FBXL15: variants seen among roughly 807,000 people sequenced by gnomAD.
FBXL15 encodes F-box and leucine rich repeat protein 15.
Under a neutral mutation model 23.6 loss-of-function variants are expected in FBXL15, and 19 were observed. That is an observed-to-expected ratio of 0.81 (90% CI 0.56 to 1.18). The LOEUF is 1.18. Among genes scored for constraint, FBXL15 ranks in the 50% most tolerant of loss-of-function variants. The pLI is 0.00. For missense variants in FBXL15, 385 were observed against 425.4 expected (o/e 0.91, Z 0.83); for synonymous variants, 224 against 207.7 (o/e 1.08, Z -0.67).
Position 102,420,847 on chromosome 10 carries a change from G to A in FBXL15, c.-283G>A. On this transcript the variant is annotated 5_prime_UTR_variant, in exon 1 of 4. Transcript: ENST00000369956. The stretch of plus-strand genomic sequence containing the variant: ...CCCACCACCACTTCGCTCAGAGGCG[G>A]CTACTGGCTCAAGAGGACGACAGAA... 7.6e-7 allele frequency: 1 copy of A among 1,321,560 alleles called. No individual in the cohort carries two copies. The highest frequency in any genetic ancestry group is 9.7e-7 in the Non-Finnish European group (1 of 1,031,900). The allele number at this position is 1,321,560 out of a possible 1,614,324, so 81.9% of individuals were successfully genotyped here.
In FBXL15 at chr10:102,422,282, G is replaced by A. The variant is rs1198259051; in HGVS notation, c.703G>A (p.Asp235Asn). Residue 235 changes from aspartate to asparagine, a missense_variant, in exon 3 of 4, where the codon GAC becomes AAC. Physicochemically the swap from Asp to Asn is conservative, Grantham distance 23. Coordinates refer to ENST00000369956, the MANE Select transcript of FBXL15 (RefSeq NM_024326.4). Reference sequence around the variant, plus strand: ...CACCGGCTGCCTCCGCGTCGGAAGCGACGGTGTCAGGTGCCTGGGCCTGAT... The same window carrying A: ...CACCGGCTGCCTCCGCGTCGGAAGCAACGGTGTCAGGTGCCTGGGCCTGAT... ...DLTGCLRVGS[D>N]GVRTLAEYCP... The A allele has an allele frequency of 1.3e-6, 2 of 1,497,206 alleles. No individual in the cohort carries two copies. Among genetic ancestry groups the A allele is most frequent in the Non-Finnish European group, 1.8e-6 (2 of 1,123,976 alleles). The allele number at this position is 1,497,206 out of a possible 1,614,324, so 92.7% of individuals were successfully genotyped here.
At position 102,421,408 on chromosome 10, in the gene FBXL15, C is replaced by T. The variant is rs1315103967; in HGVS notation, c.108C>T (p.Val36=). 2 of 1,569,238 alleles carry T rather than the reference C, an allele frequency of 1.3e-6. No homozygotes were observed. The highest frequency in any genetic ancestry group is 1.7e-6 in the Non-Finnish European group (2 of 1,158,616). ...TGCTCCCACACGTCCTGAACCGGGTCCCGCTGCGCCAGCTGCTCCGGCTGC... is the reference window on the plus strand; with the variant it reads ...TGCTCCCACACGTCCTGAACCGGGTTCCGCTGCGCCAGCTGCTCCGGCTGC... ...DVLLPHVLNR[V]PLRQLLRLQR... Residue 36 remains valine (V), a synonymous_variant, in exon 2 of 4, where the codon GTC becomes GTT. Coordinates refer to ENST00000369956, the MANE Select transcript of FBXL15 (RefSeq NM_024326.4).
rs528124042 is a variant in FBXL15 at position 102,422,209 on chromosome 10, G to A, written c.630G>A (p.Ala210=). ...TCAACGCCAACGTGGGGGACGCCGCGGTTCAAGAGTTGGCTCGGAACTGCC... is the reference window on the plus strand; with the variant it reads ...TCAACGCCAACGTGGGGGACGCCGCAGTTCAAGAGTTGGCTCGGAACTGCC... ...LAVNANVGDA[A]VQELARNCPE... Residue 210 remains alanine, a synonymous_variant, in exon 3 of 4, where the codon GCG becomes GCA. Transcript: ENST00000369956. 8 of 1,531,234 alleles carry A rather than the reference G, an allele frequency of 5.2e-6. No individual in the cohort carries two copies. In the African/African-American group the frequency reaches 8.3e-5, roughly 16 times the overall value. 94.9% of individuals were successfully genotyped at this position (1,531,234 alleles called of 1,614,324 possible). A position where few individuals can be genotyped will look rare whatever the true frequency, so the allele number is the denominator to read the frequency against.
At position 102,422,844 on chromosome 10, in the gene FBXL15, G is replaced by T; in HGVS notation, c.754G>T (p.Val252Leu). ...EYCPVLRSLR[V>L]RHCHHVAESS... The stretch of plus-strand genomic sequence containing the variant: ...CTGCCCCGTGCTGCGTTCGCTGCGG[G>T]TGCGGCACTGCCACCATGTGGCGGA... Residue 252 changes from valine (V) to leucine (L), a missense_variant, in exon 4 of 4, where the codon GTG becomes TTG. Physicochemically the swap from Val to Leu is conservative, Grantham distance 32. Around this residue, in one of 2 missense-constraint regions of FBXL15, gnomAD observed 255 missense variants for 330.2 expected, o/e 0.77. Transcript: ENST00000369956. 6.2e-7 allele frequency: 1 copy of T among 1,609,928 alleles called. No individual in the cohort carries two copies. The highest frequency in any genetic ancestry group is 1.3e-5 in the African/African-American group (1 of 75,012).
chr10:102,421,700 C>T (rs925805139), intron 2 of FBXL15, 87 bp from the exon 3 acceptor site: 4 of 1,471,752 alleles, frequency 2.7e-6, no homozygotes, highest in African/African-American at 2.8e-5. Flanking sequence ...GAGCAGGAGG[C>T]TGCCAGAAAA....
chr10:102,422,216 G>T lies in FBXL15; in HGVS notation c.637G>T (p.Glu213Ter). 1 of 1,530,312 alleles carries T rather than the reference G, an allele frequency of 6.5e-7. No homozygotes were observed. The highest frequency in any genetic ancestry group is 2.1e-5 in the Admixed American group (1 of 48,754). The allele number at this position is 1,530,312 out of a possible 1,614,324, so 94.8% of individuals were successfully genotyped here. Residue 213 changes from glutamate to a stop codon, truncating the protein, a stop_gained, in exon 3 of 4, where the codon GAG becomes TAG. Transcript: ENST00000369956. LOFTEE classifies it high-confidence loss of function. ...NANVGDAAVQ[E>*]LARNCPELHH... The stretch of plus-strand genomic sequence containing the variant: ...CAACGTGGGGGACGCCGCGGTTCAA[G>T]AGTTGGCTCGGAACTGCCCAGAACT...
rs186042998 is a variant in FBXL15 at position 102,422,788 on chromosome 10, C to T, written c.714-16C>T. 1.2e-5 allele frequency: 19 copies of T among 1,596,834 alleles called. No individual in the cohort carries two copies. The highest frequency in any genetic ancestry group is 2.2e-4 in the Middle Eastern group (1 of 4,480). On this transcript the variant is annotated splice_polypyrimidine_tract_variant and intron_variant, in intron 3 of 3. Transcript: ENST00000369956. The stretch of plus-strand genomic sequence containing the variant: ...GGTGGCCTCATGTCCCTAGCCTCAC[C>T]CTGCTCCTCCCTCAGGACATTGGCC...
At chr10:102,422,421 G>A in intron 3 of FBXL15, 129 bp downstream of exon 3, 1 of 1,185,072 alleles carries the variant, frequency 8.4e-7, no homozygotes, top group Non-Finnish European at 1.1e-6. Context: ...CCCCCATTCT[G>A]AACAGAAAGG....
At chr10:102,421,251 C>A in intron 1 of FBXL15, 69 bp downstream of exon 1, 1 of 1,577,772 alleles carries the variant, frequency 6.3e-7, no homozygotes, top group South Asian at 1.1e-5. Flanking sequence ...GGGGCTGGGT[C>A]TGGGGGCCGC....
intron 1 of FBXL15, 72 bp from the exon 2 acceptor site, chr10:102,421,282 G>GT: frequency 6.4e-7 from 1 of 1,560,686 alleles, no homozygotes; most frequent in African/African-American, 1.4e-5. Context: ...TGGGGCGCAG[G>GT]AACATAACGG....
rs117878070 is a variant in FBXL15, at chr10:102,423,004, A to T, written c.*11A>T. On this transcript the variant is annotated 3_prime_UTR_variant, in exon 4 of 4. Transcript: ENST00000369956. This position sits in a 1 kb window ranked among gnomAD's most constrained non-coding sequence, Gnocchi z 5.6. ...AACCTGCAGGTCTGACCCGCCTGCC[A>T]ATCGGAGCACAGCTGGACTGTGTGG... 9,353 of 1,534,476 alleles carry T rather than the reference A, an allele frequency of 6.1e-3. 35 individuals carry two copies. The highest frequency in any genetic ancestry group is 7.4e-3 in the Non-Finnish European group (8,373 of 1,138,246).
intron 1 of FBXL15, 70 bp downstream of exon 1, chr10:102,421,252 TG>T (rs2061557857): frequency 1.3e-6 from 2 of 1,577,860 alleles, no homozygotes; most frequent in Non-Finnish European, 1.7e-6. Flanking sequence ...GGGCTGGGTC[TG>T]GGGGCCGCTC....
Position 102,422,844 on chromosome 10 carries a change from G to A in FBXL15, c.754G>A (p.Val252Met), listed in dbSNP as rs772815494. The A allele has an allele frequency of 1.2e-6, 2 of 1,609,928 alleles. No individual in the cohort carries two copies. The highest frequency in any genetic ancestry group is 1.7e-5 in the Admixed American group (1 of 59,950). Residue 252 changes from valine (V) to methionine (M), a missense_variant, in exon 4 of 4, where the codon GTG (valine) becomes ATG (methionine). Around this residue, in one of 2 missense-constraint regions of FBXL15, gnomAD observed 255 missense variants for 330.2 expected, o/e 0.77. Coordinates refer to ENST00000369956, the MANE Select transcript of FBXL15 (RefSeq NM_024326.4). Reference sequence around the variant, plus strand: ...CTGCCCCGTGCTGCGTTCGCTGCGGGTGCGGCACTGCCACCATGTGGCGGA... The same window carrying A: ...CTGCCCCGTGCTGCGTTCGCTGCGGATGCGGCACTGCCACCATGTGGCGGA... ...EYCPVLRSLR[V>M]RHCHHVAESS...
chr10:102,422,913 G>T lies in FBXL15; in HGVS notation c.823G>T (p.Val275Leu). The change falls in exon 4 of 4, where the codon GTG becomes TTG. Residue 275 changes from valine to leucine, a missense_variant. By Grantham distance (32) the Val-to-Leu change is conservative. Transcript: ENST00000369956. ...GCGGAAGCGCGGCGTGGACATCGAC[G>T]TGGAGCCGCCGCTGCACCAGGCCCT... The part of the protein sequence containing the change: ...RLRKRGVDID[V>L]EPPLHQALVL... 1 of 1,607,582 alleles carries T rather than the reference G, an allele frequency of 6.2e-7. No individual in the cohort carries two copies. Among genetic ancestry groups the T allele is most frequent in the Non-Finnish European group, 8.5e-7 (1 of 1,177,812 alleles).
Position 102,422,816 on chromosome 10 carries a change from G to A in FBXL15, c.726G>A (p.Glu242=), listed in dbSNP as rs781107687. ...GCTCCTCCCTCAGGACATTGGCCGAGTACTGCCCCGTGCTGCGTTCGCTGC... is the reference window on the plus strand; with the variant it reads ...GCTCCTCCCTCAGGACATTGGCCGAATACTGCCCCGTGCTGCGTTCGCTGC... ...VGSDGVRTLA[E]YCPVLRSLRV... The change falls in exon 4 of 4, where the codon GAG becomes GAA. Residue 242 remains glutamate, a synonymous_variant. Transcript: ENST00000369956. 10 of 1,604,962 alleles carry A rather than the reference G, an allele frequency of 6.2e-6. No individual in the cohort carries two copies. The highest frequency in any genetic ancestry group is 1.3e-5 in the African/African-American group (1 of 74,876).
At position 102,421,828 on chromosome 10, in the gene FBXL15, G is replaced by A. The variant is rs1317370963; in HGVS notation, c.249G>A (p.Leu83=). 2 of 1,578,638 alleles carry A rather than the reference G, an allele frequency of 1.3e-6. No individual in the cohort carries two copies. Among genetic ancestry groups the A allele is most frequent in the Non-Finnish European group, 1.7e-6 (2 of 1,168,570 alleles). The part of the protein sequence containing the change: ...QIPRAALARL[L]RDAEGLQELA... Reference sequence around the variant, plus strand: ...CGCGGGCCGCATTGGCCCGGCTGCTGCGGGATGCCGAGGGGCTGCAGGAGC... The same window carrying A: ...CGCGGGCCGCATTGGCCCGGCTGCTACGGGATGCCGAGGGGCTGCAGGAGC... The change falls in exon 3 of 4, where the codon CTG becomes CTA. Residue 83 remains leucine, a synonymous_variant. Transcript: ENST00000369956.
chr10:102,421,096 G>A lies in FBXL15; in HGVS notation c.-34G>A, dbSNP rs750620343. 5 of 1,593,922 alleles carry A rather than the reference G, an allele frequency of 3.1e-6. No homozygotes were observed. Among genetic ancestry groups the A allele is most frequent in the Admixed American group, 1.7e-5 (1 of 57,370 alleles). ...TGCGGCCACTCCAAGGCCAAAGCGA[G>A]AAAATCTTACTGCGCACGCGCAATA... On this transcript the variant is annotated 5_prime_UTR_variant, in exon 1 of 4. Coordinates refer to ENST00000369956, the MANE Select transcript of FBXL15 (RefSeq NM_024326.4).
intron 1 of FBXL15, 46 bp from the exon 2 acceptor site, chr10:102,421,308 T>C: frequency 6.4e-7 from 1 of 1,555,946 alleles, no homozygotes. Context: ...GACTCGCAGG[T>C]AATAGTGGCC....
At position 102,421,875 on chromosome 10, in the gene FBXL15, A is replaced by C; in HGVS notation, c.296A>C (p.Glu99Ala). 1 of 1,604,962 alleles carries C rather than the reference A, an allele frequency of 6.2e-7. No individual in the cohort carries two copies. Among genetic ancestry groups the C allele is most frequent in the Non-Finnish European group, 8.5e-7 (1 of 1,178,934 alleles). ...LQELALAPCH[E>A]WLSDEDLVPV... is the part of the protein sequence containing the mutation. The stretch of plus-strand genomic sequence containing the variant: ...GAGCTGGCACTGGCGCCGTGTCACG[A>C]ATGGCTGTCAGACGAGGACCTGGTG... The change falls in exon 3 of 4, where the codon GAA becomes GCA. Residue 99 changes from glutamate to alanine, a missense_variant. Coordinates refer to ENST00000369956, the MANE Select transcript of FBXL15 (RefSeq NM_024326.4).
Sources: gnomAD v4.1 joint callset for allele counts on GRCh38, gnomAD v4.1.1 for gene constraint, gnomAD v4.1.1 regional missense constraint, Gnocchi (gnomAD v3.1) non-coding constraint, MANE v1.5 for transcripts, NCBI Gene and HGNC (gene_info 2026-07-23, HGNC 2026-07-21) for gene names.